SOX6: variants seen among roughly 807,000 people sequenced by gnomAD.
SOX6 encodes the protein SRY-box transcription factor 6.
In SOX6, 11 loss-of-function variants were observed where a neutral mutation model predicts 97.8. The ratio of observed to expected loss-of-function variants is 0.11; its 90% CI spans 0.07 to 0.19. The LOEUF (loss-of-function observed/expected upper bound fraction) is 0.19, where lower values mean the gene tolerates loss of function less well. SOX6 is among the 10% of genes least tolerant of loss of function. The pLI, the probability that SOX6 is intolerant of heterozygous loss-of-function variation, is 1.00. For missense variants in SOX6, 810 were observed against 1,039.5 expected, an observed-to-expected ratio of 0.78 and a Z score of 3.04; for synonymous variants, 360 against 371.4, an observed-to-expected ratio of 0.97 and a Z score of 0.35.
At chr11:16,735,896 T>C (rs539926154) in intron 2 of SOX6, among the ~76,000 whole-genome samples, 4 of 152,112 alleles carry the variant, frequency 2.6e-5, no homozygotes, top group Non-Finnish European at 5.9e-5. Flanking sequence ...CTTTATTTCC[T>C]CTTCAGTTTT....
intron 4 of SOX6, among the ~76,000 whole-genome samples, chr11:16,208,769 T>C (rs1045014024): frequency 2.0e-5 from 3 of 152,192 alleles, no homozygotes; most frequent in Admixed American, 6.5e-5. Context: ...CTCAGAGATA[T>C]AACATCTTCC....
At chr11:16,120,614 G>T (rs1458656110) in intron 6 of SOX6, among the ~76,000 whole-genome samples, 1 of 150,682 alleles carries the variant, frequency 6.6e-6, no homozygotes. Context: ...ATACTTCAAT[G>T]AAAAGTTGGT....
At chr11:16,379,107 T>C (rs1857729349) in intron 1 of SOX6, among the ~76,000 whole-genome samples, 1 of 152,150 alleles carries the variant, frequency 6.6e-6, no homozygotes, top group African/African-American at 2.4e-5. Flanking sequence ...AACCCTGTCA[T>C]CAACAATCTG....
At chr11:16,677,430 C>A (rs1267042644) in intron 3 of SOX6, among the ~76,000 whole-genome samples, 1 of 152,164 alleles carries the variant, frequency 6.6e-6, no homozygotes, top group Non-Finnish European at 1.5e-5. Context: ...TTTTAAAAAA[C>A]TCGATCTTCA....
intron 4 of SOX6, among the ~76,000 whole-genome samples, chr11:16,196,605 C>T (rs769189375): frequency 1.3e-5 from 2 of 152,146 alleles, no homozygotes; most frequent in African/African-American, 4.8e-5. Context: ...AAATATCCAA[C>T]ACAGCTTGTA....
At chr11:16,353,026 A>G (rs1565107785) in intron 1 of SOX6, among the ~76,000 whole-genome samples, 2 of 152,190 alleles carry the variant, frequency 1.3e-5, no homozygotes, top group South Asian at 4.1e-4. Context: ...TTTTCCTAGC[A>G]TGCTATTTCT....
At chr11:16,447,580 T>G (rs938225771) in intron 1 of SOX6, among the ~76,000 whole-genome samples, 1 of 152,140 alleles carries the variant, frequency 6.6e-6, no homozygotes, top group African/African-American at 2.4e-5. Context: ...ATACATACTG[T>G]TATTAATAGA....
chr11:16,453,514 T>C (rs1370626365), intron 1 of SOX6, among the ~76,000 whole-genome samples: 2 of 152,142 alleles, frequency 1.3e-5, no homozygotes, highest in Non-Finnish European at 2.9e-5. Flanking sequence ...CATTAGTACG[T>C]TATTCCAAAA....
At chr11:16,003,234 A>C (rs1854453406) in intron 13 of SOX6, among the ~76,000 whole-genome samples, 1 of 151,894 alleles carries the variant, frequency 6.6e-6, no homozygotes, top group Non-Finnish European at 1.5e-5. Context: ...TTTGTGTCAT[A>C]ACACTGAACT....
intron 1 of SOX6, among the ~76,000 whole-genome samples, chr11:16,440,717 A>G (rs1205159253): frequency 6.6e-6 from 1 of 152,170 alleles, no homozygotes. Flanking sequence ...ATTTTTAATA[A>G]TACTGTTTCT....
At chr11:16,051,380 A>T (rs574196116) in intron 10 of SOX6, among the ~76,000 whole-genome samples, 12 of 152,170 alleles carry the variant, frequency 7.9e-5, no homozygotes, top group Non-Finnish European at 1.3e-4. Context: ...TCCAAATTTC[A>T]GGCCCCTTTT....
At chr11:16,252,076 C>A (rs998865766) in intron 3 of SOX6, among the ~76,000 whole-genome samples, 1 of 152,164 alleles carries the variant, frequency 6.6e-6, no homozygotes, top group African/African-American at 2.4e-5. Context: ...TGAATGCTTT[C>A]GTCTGAACTC....
intron 3 of SOX6, among the ~76,000 whole-genome samples, chr11:16,277,022 C>A (rs1047277170): frequency 2.0e-5 from 3 of 152,138 alleles, no homozygotes; most frequent in Non-Finnish European, 4.4e-5. Flanking sequence ...CCATGCCTAG[C>A]ACCAAAGAAC....
At chr11:16,249,495 A>G (rs562334197) in intron 3 of SOX6, among the ~76,000 whole-genome samples, 2 of 152,202 alleles carry the variant, frequency 1.3e-5, no homozygotes, top group Non-Finnish European at 2.9e-5. Flanking sequence ...ACAAGTCTCT[A>G]GGAAGTTCCA....
At chr11:16,190,915 T>C (rs1851613478) in intron 4 of SOX6, among the ~76,000 whole-genome samples, 1 of 152,142 alleles carries the variant, frequency 6.6e-6, no homozygotes, top group South Asian at 2.1e-4. Context: ...ACAGCATGTG[T>C]TCATGCCACT....
At chr11:16,661,111 T>C (rs1847762692) in intron 3 of SOX6, among the ~76,000 whole-genome samples, 1 of 152,220 alleles carries the variant, frequency 6.6e-6, no homozygotes, top group Non-Finnish European at 1.5e-5. Flanking sequence ...AGTTTTTACC[T>C]AATGCAATTT....
intron 12 of SOX6, among the ~76,000 whole-genome samples, chr11:16,037,547 C>T (rs1419870006): frequency 6.6e-6 from 1 of 152,152 alleles, no homozygotes; most frequent in East Asian, 1.9e-4. Flanking sequence ...ATGCATAATC[C>T]TGAGTACCTG....
chr11:16,055,440 C>G (rs1847789966), intron 10 of SOX6, among the ~76,000 whole-genome samples: 1 of 151,968 alleles, frequency 6.6e-6, no homozygotes, highest in Admixed American at 6.6e-5. Context: ...AAGTCCATGA[C>G]AAAGACTGGC....
chr11:16,381,889 G>T (rs1206405717), intron 1 of SOX6, among the ~76,000 whole-genome samples: 4 of 151,828 alleles, frequency 2.6e-5, no homozygotes, highest in African/African-American at 7.2e-5. Flanking sequence ...ACACCTGAGG[G>T]TGACACTAAG....
Sources: gnomAD v4.1 joint callset for allele counts (sites outside exome capture counted in the v4.1 genomes callset) on GRCh38, gnomAD v4.1.1 for gene constraint, MANE v1.5 for transcripts, NCBI Gene and HGNC (gene_info 2026-07-23, HGNC 2026-07-21) for gene names.